THBS2: variants seen among roughly 807,000 people sequenced by gnomAD.
The protein encoded by THBS2 is thrombospondin 2, also known as thrombospondin-2.
THBS2 carries 47 observed loss-of-function variants against 135.2 expected under a neutral mutation model. The observed-to-expected ratio is 0.35, with a 90% CI of 0.28 to 0.44. THBS2 has a LOEUF of 0.44. THBS2 is among the 20% of genes least tolerant of loss of function. The pLI, the probability that THBS2 is intolerant of heterozygous loss-of-function variation, is 1.00. For synonymous variants in THBS2, 639 were observed against 633.8 expected (o/e 1.01, Z -0.12); for missense variants, 1,288 against 1,603.1 (o/e 0.80, Z 3.36).
chr6:169,217,920 ATTACT>A (rs1438145185), intron 21 of THBS2, 91 bp from the exon 22 acceptor site: 12 of 1,202,506 alleles, frequency 1.0e-5, no homozygotes, highest in Non-Finnish European at 1.1e-5. Context: ...CAGAAATATA[ATTACT>A]TTAATTAAAG....
chr6:169,232,549 C>T (rs891548655), intron 12 of THBS2, 115 bp downstream of exon 12: 1 of 1,488,068 alleles, frequency 6.7e-7, no homozygotes, highest in Non-Finnish European at 9.0e-7. Context: ...CAGCCCCTCC[C>T]ATGCCTCTCC....
chr6:169,224,915 C>A (rs1779566713), intron 17 of THBS2, among the ~76,000 whole-genome samples: 1 of 152,214 alleles, frequency 6.6e-6, no homozygotes, highest in Admixed American at 6.5e-5. Context: ...GACGTGCACA[C>A]ACACTTGAGG....
intron 3 of THBS2, among the ~76,000 whole-genome samples, chr6:169,247,435 G>A (rs1253514483): frequency 1.3e-5 from 2 of 152,096 alleles, no homozygotes; most frequent in African/African-American, 4.8e-5. Context: ...ATGTATACGT[G>A]TGTATGAGTA....
chr6:169,221,616 A>G, intron 19 of THBS2, 89 bp from the exon 20 acceptor site: 1 of 1,148,578 alleles, frequency 8.7e-7, no homozygotes, highest in Non-Finnish European at 1.3e-6. Context: ...CAAAAACATG[A>G]CTTTGCAAGT....
Position 169,221,504 on chromosome 6 carries a change from G to T in THBS2, c.3297C>A (p.Pro1099=), listed in dbSNP as rs61730649. 1.4e-3 allele frequency: 2,301 copies of T among 1,613,954 alleles called. 25 individuals carry two copies. The African/African-American group carries it at 0.027, about 19-fold the overall frequency. Residue 1099 remains proline (P), a synonymous_variant, in exon 20 of 22, where the codon CCC becomes CCA. Transcript: ENST00000617924. Reference sequence around the variant, plus strand: ...TGTAGTCCTTCCAGCCAATGTTCCTGGGGTCGTGCCATAAGGTTCGCACCT... The same window carrying T: ...TGTAGTCCTTCCAGCCAATGTTCCTTGGGTCGTGCCATAAGGTTCGCACCT... ...PGQVRTLWHD[P]RNIGWKDYTA...
Position 169,248,434 on chromosome 6 carries a change from T to A in THBS2, c.592A>T (p.Arg198Ter). Residue 198 changes from arginine (R) to a stop codon, truncating the protein, a stop_gained, in exon 3 of 22, where the codon AGA becomes TGA. Coordinates refer to ENST00000617924, the MANE Select transcript of THBS2 (RefSeq NM_003247.5). LOFTEE classifies it high-confidence loss of function. ...SRMYVAKGSA[R>*]ESHFRGLLQN... ...GAGCGTACCCTGAAGTGACTCTCTC[T>A]GGCAGAGCCTTTGGCCACGTACATC... 1 of 1,607,774 alleles carries A rather than the reference T, an allele frequency of 6.2e-7. No homozygotes were observed. The highest frequency in any genetic ancestry group is 8.5e-7 in the Non-Finnish European group (1 of 1,174,932).
chr6:169,250,658 T>G, intron 2 of THBS2, 75 bp downstream of exon 2: 1 of 1,389,914 alleles, frequency 7.2e-7, no homozygotes, highest in Non-Finnish European at 9.9e-7. Flanking sequence ...CACACTTTAT[T>G]TTGTCATCTC....
At chr6:169,227,088 G>C (rs6914478) in intron 15 of THBS2, among the ~76,000 whole-genome samples, 60,671 of 151,982 alleles carry the variant, frequency 0.4, 12,314 homozygotes, top group Middle Eastern at 0.45. Context: ...GAGAACGAGA[G>C]GAGGGTGGAG....
chr6:169,231,866 C>T, intron 13 of THBS2, 114 bp downstream of exon 13: 5 of 1,244,572 alleles, frequency 4.0e-6, no homozygotes, highest in Non-Finnish European at 5.6e-6. Flanking sequence ...GCCTGAGAGA[C>T]CCTCCTTCCA....
intron 1 of THBS2, among the ~76,000 whole-genome samples, chr6:169,251,610 A>T (rs1484002650): frequency 6.6e-6 from 1 of 152,156 alleles, no homozygotes; most frequent in Non-Finnish European, 1.5e-5. Flanking sequence ...AATTGGTCAC[A>T]CCCTGCTCTA....
chr6:169,247,467 A>G (rs1413621048), intron 3 of THBS2, among the ~76,000 whole-genome samples: 1 of 151,910 alleles, frequency 6.6e-6, no homozygotes, highest in African/African-American at 2.4e-5. Flanking sequence ...GTGCATGTGT[A>G]TGTGTGTGTA....
At chr6:169,225,056 A>G (rs1583406212) in intron 17 of THBS2, 89 bp downstream of exon 17, 1 of 1,288,390 alleles carries the variant, frequency 7.8e-7, no homozygotes. Context: ...CAGCAGATTT[A>G]AGATGATCTC....
rs1055323331 is a variant in THBS2 at position 169,241,123 on chromosome 6, A to G, written c.892-531T>C. ...TCCATCTCCTGGCATCATTTACTTC[A>G]TGCCCTCTGGGTACGAGTGACAGTC... On this transcript the variant is annotated intron_variant, in intron 5 of 21. Coordinates refer to ENST00000617924, the MANE Select transcript of THBS2 (RefSeq NM_003247.5). The surrounding 1 kb of genome is among the most constrained non-coding windows in gnomAD (Gnocchi z 5.5). Among the ~76,000 whole-genome samples the G allele has an allele frequency of 2.0e-5, 3 of 148,986 alleles. No homozygotes were observed. The highest frequency in any genetic ancestry group is 6.8e-5 in the Admixed American group (1 of 14,746).
Position 169,250,850 on chromosome 6 carries a change from C to T in THBS2, c.-22-44G>A, listed in dbSNP as rs1780727051. On this transcript the variant is annotated intron_variant, in intron 1 of 21. Coordinates refer to ENST00000617924, the MANE Select transcript of THBS2 (RefSeq NM_003247.5). ...CTTGTTAGTGATGAGTCCACAGCTG[C>T]AACCCTGCCTGTGAGCGAGACTGGC... is the stretch of plus-strand genomic sequence containing the variant. The T allele has an allele frequency of 5.6e-6, 8 of 1,432,432 alleles. No homozygotes were observed. In the African/African-American group the frequency reaches 9.8e-5, roughly 18 times the overall value. 88.7% of individuals were successfully genotyped at this position (1,432,432 alleles called of 1,614,324 possible).
rs576443321 is a variant in THBS2 at position 169,238,257 on chromosome 6, A to G, written c.1130-462T>C. On this transcript the variant is annotated intron_variant, in intron 7 of 21. Transcript: ENST00000617924. ...CAATTATTGGTGAAAATTACAGGTCACTTATTTCCAAGTAAACTGAAACAA... is the reference window on the plus strand; with the variant it reads ...CAATTATTGGTGAAAATTACAGGTCGCTTATTTCCAAGTAAACTGAAACAA... Among the ~76,000 whole-genome samples, 10 of 152,366 alleles carry G rather than the reference A, an allele frequency of 6.6e-5. No homozygotes were observed. In the East Asian group the frequency reaches 1.9e-3, roughly 29 times the overall value.
Position 169,220,322 on chromosome 6 carries a change from T to C in THBS2, c.3387A>G (p.Glu1129=), listed in dbSNP as rs1270760634. Residue 1129 remains glutamate (E), a synonymous_variant, in exon 21 of 22, where the codon GAA becomes GAG. Transcript: ENST00000617924. ...CTGAGTCTGCCATGACCTGTTTTCC[T>C]TCATGCACTAAGACTCTAAAAATGG... The part of the protein sequence containing the change: ...KTGYIRVLVH[E]GKQVMADSGP... 1 of 1,612,608 alleles carries C rather than the reference T, an allele frequency of 6.2e-7. No homozygotes were observed. The highest frequency in any genetic ancestry group is 1.7e-5 in the Admixed American group (1 of 59,766).
intron 4 of THBS2, among the ~76,000 whole-genome samples, chr6:169,245,558 C>A (rs943512764): frequency 3.4e-4 from 51 of 152,090 alleles, no homozygotes; most frequent in Admixed American, 9.8e-4. Context: ...TTTGGGAGGC[C>A]AAGGTGGGCA....
At position 169,237,795 on chromosome 6, in the gene THBS2, G is replaced by A. The variant is rs149289063; in HGVS notation, c.1130C>T (p.Ser377Leu). Reference protein sequence around the residue: ...EGECCPSCLHSVDGEEGWSPW... With the variant: ...EGECCPSCLHLVDGEEGWSPW... ...AGACCAGCCCTCCTCACCGTCCACC[G>A]CTGCCAGAGGAAGCAAACACGGTGG... Residue 377 changes from serine (S) to leucine (L), a missense_variant and splice_region_variant, in exon 8 of 22, where the codon TCG becomes TTG. Physicochemically the swap from Ser to Leu is moderately radical, Grantham distance 145. Transcript: ENST00000617924. 9.5e-5 allele frequency: 153 copies of A among 1,607,598 alleles called. No individual in the cohort carries two copies. The highest frequency in any genetic ancestry group is 9.3e-4 in the South Asian group (85 of 90,986).
chr6:169,236,790 G>A (rs377261906), intron 9 of THBS2, among the ~76,000 whole-genome samples: 12 of 75,470 alleles, frequency 1.6e-4, no homozygotes, highest in East Asian at 4.3e-4. Context: ...ACTCACTCCC[G>A]TCCGCACTCA....
Sources: gnomAD v4.1 joint callset for allele counts (sites outside exome capture counted in the v4.1 genomes callset) on GRCh38, gnomAD v4.1.1 for gene constraint, Gnocchi (gnomAD v3.1) non-coding constraint, MANE v1.5 for transcripts, NCBI Gene and HGNC (gene_info 2026-07-23, HGNC 2026-07-21) for gene names.